The following SCIN variants were observed in gnomAD, a reference collection of about 807,000 sequenced individuals.
The protein encoded by SCIN is scinderin, also known as adseverin.
A neutral mutation model predicts 91.8 loss-of-function variants in SCIN; 91 were observed. The observed-to-expected ratio is 0.99, with a 90% CI of 0.84 to 1.18. SCIN has a LOEUF of 1.18. Among genes scored for constraint, SCIN ranks in the 50% most tolerant of loss-of-function variants. The pLI is 0.00. For synonymous variants in SCIN, 367 were observed against 312.6 expected, an observed-to-expected ratio of 1.17 and a Z score of -1.84; for missense variants, 1,087 against 863.9, an observed-to-expected ratio of 1.26 and a Z score of -3.24.
intron 2 of SCIN, among the ~76,000 whole-genome samples, chr7:12,579,512 C>T (rs572192364): frequency 2.0e-5 from 3 of 152,290 alleles, no homozygotes; most frequent in African/African-American, 7.2e-5. Flanking sequence ...CCACATATGA[C>T]TTGTTTGCTT....
intron 4 of SCIN, among the ~76,000 whole-genome samples, chr7:12,605,331 G>C (rs1478229673): frequency 1.3e-5 from 2 of 152,140 alleles, no homozygotes; most frequent in African/African-American, 2.4e-5. Flanking sequence ...TTACAGGCAT[G>C]AGCCACCCTG....
At chr7:12,590,973 GA>G (rs1782709383) in intron 3 of SCIN, among the ~76,000 whole-genome samples, 1 of 152,152 alleles carries the variant, frequency 6.6e-6, no homozygotes, top group Admixed American at 6.5e-5. Flanking sequence ...TGCTTTTTGG[GA>G]GGAGGATCCT....
At chr7:12,606,598 A>G (rs1783083707) in intron 4 of SCIN, among the ~76,000 whole-genome samples, 1 of 152,222 alleles carries the variant, frequency 6.6e-6, no homozygotes, top group Non-Finnish European at 1.5e-5. Flanking sequence ...GAGAAAAGAC[A>G]GAATATAAAA....
At chr7:12,645,076 T>TGCC (rs1783935054) in intron 13 of SCIN, among the ~76,000 whole-genome samples, 1 of 149,374 alleles carries the variant, frequency 6.7e-6, no homozygotes, top group African/African-American at 2.5e-5. Context: ...TCCCAGCACT[T>TGCC]TGGGAAGCTG....
chr7:12,621,622 G>T (rs1477631854), intron 4 of SCIN, among the ~76,000 whole-genome samples: 4 of 140,168 alleles, frequency 2.9e-5, no homozygotes, highest in Non-Finnish European at 6.1e-5. Context: ...AAAGCTTTTG[G>T]TCACAAGTGT....
chr7:12,573,823 G>A (rs1212927950), intron 1 of SCIN, among the ~76,000 whole-genome samples: 2 of 152,092 alleles, frequency 1.3e-5, no homozygotes, highest in Non-Finnish European at 2.9e-5. Flanking sequence ...TTATAAGTGG[G>A]CTATACCAGG....
In SCIN at chr7:12,619,725, ATAAGGCAGGG is replaced by A. The variant is rs1562618930; in HGVS notation, c.667-3073_667-3064del. 5.9e-5 allele frequency among the ~76,000 whole-genome samples: 9 copies of A among 152,238 alleles called. No homozygotes were observed. In the South Asian group the frequency reaches 1.9e-3, roughly 32 times the overall value. On this transcript the variant is annotated intron_variant, in intron 4 of 15. Coordinates refer to ENST00000297029, the MANE Select transcript of SCIN (RefSeq NM_001112706.3). ...GGTACAAGGTAGGGAATGCTGAGAA[ATAAGGCAGGG>A]TAGATGACATTCAGCATCTGAAGGG...
At chr7:12,615,625 T>C (rs1200846368) in intron 4 of SCIN, among the ~76,000 whole-genome samples, 1 of 152,172 alleles carries the variant, frequency 6.6e-6, no homozygotes, top group Non-Finnish European at 1.5e-5. Flanking sequence ...ACCCCTTTGT[T>C]TTTTATCTCT....
chr7:12,620,325 T>G (rs959626988), intron 4 of SCIN, among the ~76,000 whole-genome samples: 2 of 152,168 alleles, frequency 1.3e-5, no homozygotes, highest in Non-Finnish European at 2.9e-5. Context: ...CCTGAAAGTC[T>G]GAATTCTTTC....
At chr7:12,632,104 A>ATTT (rs1303818311) in intron 9 of SCIN, among the ~76,000 whole-genome samples, 12 of 126,258 alleles carry the variant, frequency 9.5e-5, no homozygotes, top group African/African-American at 4.8e-4. Flanking sequence ...ATTTTATTTT[A>ATTT]TTTTATTTTA....
intron 4 of SCIN, among the ~76,000 whole-genome samples, chr7:12,605,344 C>T (rs1055775002): frequency 1.2e-4 from 18 of 151,874 alleles, no homozygotes; most frequent in African/African-American, 2.9e-4. Context: ...CCACCCTGCC[C>T]GGCCTTCTCA....
chr7:12,647,767 C>T (rs1175654695), intron 13 of SCIN, among the ~76,000 whole-genome samples: 1 of 152,176 alleles, frequency 6.6e-6, no homozygotes, highest in Admixed American at 6.5e-5. Context: ...GTATAACAAT[C>T]TCAAAATCTC....
At position 12,570,769 on chromosome 7, in the gene SCIN, G is replaced by A; in HGVS notation, c.-18G>A. 2 of 1,548,042 alleles carry A rather than the reference G, an allele frequency of 1.3e-6. No individual in the cohort carries two copies. The highest frequency in any genetic ancestry group is 1.7e-6 in the Non-Finnish European group (2 of 1,145,358). ...TCAGCGATATCACGCGTCCCCCGGA[G>A]CATCGCGTGCAGGAGCCATGGCGCG... On this transcript the variant is annotated 5_prime_UTR_variant, in exon 1 of 16. Transcript: ENST00000297029.
chr7:12,594,732 G>C (rs115976782), intron 3 of SCIN, among the ~76,000 whole-genome samples: 2 of 152,250 alleles, frequency 1.3e-5, no homozygotes, highest in Admixed American at 6.5e-5. Context: ...CGACAAAGAC[G>C]AGAGAGGGCG....
At chr7:12,643,772 CT>C (rs1223667652) in intron 11 of SCIN, among the ~76,000 whole-genome samples, 2 of 152,192 alleles carry the variant, frequency 1.3e-5, no homozygotes, top group Admixed American at 6.5e-5. Context: ...TGTTTTCCTC[CT>C]CCGTCTCAGC....
rs1562643035 is a variant in SCIN at position 12,658,738 on chromosome 7, A to C, written c.*6023A>C. On this transcript the variant is annotated 3_prime_UTR_variant, in exon 16 of 16. Transcript: ENST00000297029. ...CCTCTGCTGTGGGAAGGAGTCCTCA[A>C]GGTATTAATATACATCCTATCATTT... is the stretch of plus-strand genomic sequence containing the variant. The C allele has an allele frequency of 6.6e-6, 1 of 152,190 alleles. No homozygotes were observed. The highest frequency in any genetic ancestry group is 1.5e-5 in the Non-Finnish European group (1 of 68,034). The allele number at this position is 152,190 out of a possible 1,614,324, so 9.4% of individuals were successfully genotyped here. A position where few individuals can be genotyped will look rare whatever the true frequency, so the allele number is the denominator to read the frequency against.
At chr7:12,582,283 A>G (rs1782503538) in intron 3 of SCIN, among the ~76,000 whole-genome samples, 1 of 152,312 alleles carries the variant, frequency 6.6e-6, no homozygotes, top group Admixed American at 6.5e-5. Context: ...AAGCCAAAAG[A>G]GCTTATTCCA....
intron 8 of SCIN, among the ~76,000 whole-genome samples, 189 bp from the exon 9 acceptor site, chr7:12,628,912 T>C (rs1348159539): frequency 6.6e-6 from 1 of 152,128 alleles, no homozygotes; most frequent in Non-Finnish European, 1.5e-5. Context: ...AAAAGACACA[T>C]AAAAGTAGTT....
intron 4 of SCIN, among the ~76,000 whole-genome samples, chr7:12,616,671 G>A (rs190255263): frequency 1.3e-5 from 2 of 152,136 alleles, no homozygotes; most frequent in Admixed American, 1.3e-4. Context: ...AGACACGCAA[G>A]AAATAAACCT....
Sources: allele counts gnomAD v4.1 joint callset (sites outside exome capture counted in the v4.1 genomes callset), GRCh38; gene constraint gnomAD v4.1.1; transcripts MANE v1.5; gene names NCBI Gene and HGNC (gene_info 2026-07-23, HGNC 2026-07-21).